ZNF148: variants seen among roughly 807,000 people sequenced by gnomAD.
ZNF148 encodes the protein Beta-Enolase Repressor Factor-1.
A neutral mutation model predicts 67.7 loss-of-function variants in ZNF148; 7 were observed. That is an observed-to-expected ratio of 0.10 (90% confidence interval 0.06 to 0.19). The LOEUF is 0.19. Ranked by LOEUF, ZNF148 falls within the 10% of genes least tolerant of loss-of-function variation. The pLI, the probability that ZNF148 is intolerant of heterozygous loss-of-function variation, is 1.00. For missense variants in ZNF148, 583 were observed against 947.1 expected, an observed-to-expected ratio of 0.62 and a Z score of 5.05; for synonymous variants, 333 against 330.7, an observed-to-expected ratio of 1.01 and a Z score of -0.08.
intron 7 of ZNF148, among the ~76,000 whole-genome samples, chr3:125,236,675 C>T (rs1936106500): frequency 6.6e-6 from 1 of 152,178 alleles, no homozygotes; most frequent in Non-Finnish European, 1.5e-5. Flanking sequence ...GTAATTACTG[C>T]AGAGCTACCA....
intron 1 of ZNF148, among the ~76,000 whole-genome samples, chr3:125,348,777 C>T (rs745411343): frequency 6.6e-6 from 1 of 152,100 alleles, no homozygotes; most frequent in African/African-American, 2.4e-5. Context: ...ACCACAAAAG[C>T]CCCCGAATGT....
chr3:125,239,151 G>A (rs1396292382), intron 7 of ZNF148, among the ~76,000 whole-genome samples: 3 of 152,054 alleles, frequency 2.0e-5, no homozygotes, highest in Non-Finnish European at 2.9e-5. Context: ...GTTTCTATTC[G>A]GTTACACAAC....
At chr3:125,353,716 T>C (rs548627211) in intron 1 of ZNF148, among the ~76,000 whole-genome samples, 1 of 151,876 alleles carries the variant, frequency 6.6e-6, no homozygotes, top group African/African-American at 2.4e-5. Context: ...TGGTCTCCCA[T>C]AGTGTAGGGA....
rs1288737164 is a variant in ZNF148 at position 125,233,160 on chromosome 3, T to C, written c.1566A>G (p.Ala522=). The C allele has an allele frequency of 5.0e-6, 8 of 1,613,764 alleles. No individual in the cohort carries two copies. The highest frequency in any genetic ancestry group is 1.6e-4 in the Middle Eastern group (1 of 6,080). The part of the protein sequence containing the change: ...STTASILESQ[A]LNVEIKSNHD... ...GATTACTCTTAATCTCCACATTCAG[T>C]GCCTGTGACTCTAATATGGATGCCG... The change falls in exon 9 of 9, where the codon GCA becomes GCG. Residue 522 remains alanine (A), a synonymous_variant. Coordinates refer to ENST00000360647, the MANE Select transcript of ZNF148 (RefSeq NM_021964.3). The surrounding 1 kb of genome is among the most constrained non-coding windows in gnomAD (Gnocchi z 5.1).
At chr3:125,319,014 C>T (rs530923887) in intron 3 of ZNF148, among the ~76,000 whole-genome samples, 1 of 152,112 alleles carries the variant, frequency 6.6e-6, no homozygotes, top group Non-Finnish European at 1.5e-5. Context: ...AACCCCCCCA[C>T]ACACCTAACA....
At chr3:125,287,887 G>C (rs1453009363) in intron 5 of ZNF148, among the ~76,000 whole-genome samples, 2 of 152,092 alleles carry the variant, frequency 1.3e-5, no homozygotes, top group African/African-American at 4.8e-5. Flanking sequence ...TATGGAAAAA[G>C]AAAAGTTCAC....
intron 7 of ZNF148, among the ~76,000 whole-genome samples, chr3:125,245,863 T>G (rs1249989674): frequency 6.6e-6 from 1 of 152,216 alleles, no homozygotes; most frequent in African/African-American, 2.4e-5. Context: ...TGATCATGTT[T>G]AAAGCATACT....
chr3:125,275,275 C>T (rs983840760), intron 7 of ZNF148, among the ~76,000 whole-genome samples: 4 of 152,288 alleles, frequency 2.6e-5, no homozygotes, highest in Admixed American at 2.0e-4. Flanking sequence ...CTCTCAACTC[C>T]TTATCTTCTT....
At position 125,340,847 on chromosome 3, in the gene ZNF148, G is replaced by A. The variant is rs192706626; in HGVS notation, c.-233-9609C>T. Reference sequence around the variant, plus strand: ...TAAAAATACAAAAAAAATTAGCCGGGCGTAGTGGCGGGCGCCTGTAGTCCC... The same window carrying A: ...TAAAAATACAAAAAAAATTAGCCGGACGTAGTGGCGGGCGCCTGTAGTCCC... On this transcript the variant is annotated intron_variant, in intron 1 of 8. Transcript: ENST00000360647. Among the ~76,000 whole-genome samples the A allele has an allele frequency of 8.0e-3, 1,207 of 151,618 alleles. 20 individuals are homozygous for A. The highest frequency in any genetic ancestry group is 0.027 in the African/African-American group (1,118 of 41,360).
chr3:125,288,352 G>A, intron 4 of ZNF148, 124 bp from the exon 5 acceptor site: 1 of 980,472 alleles, frequency 1.0e-6, no homozygotes. Flanking sequence ...TGATCTATGT[G>A]TGTGTGTCCT....
chr3:125,329,938 T>C (rs1413972305), intron 2 of ZNF148, among the ~76,000 whole-genome samples: 4 of 152,186 alleles, frequency 2.6e-5, no homozygotes, highest in East Asian at 3.9e-4. Context: ...TGTATATGTA[T>C]AGAAATTGTC....
chr3:125,291,507 T>A (rs75442160), intron 4 of ZNF148, among the ~76,000 whole-genome samples: 7,460 of 152,252 alleles, frequency 0.049, 297 homozygotes, highest in Non-Finnish European at 0.069. Flanking sequence ...TTCTCACTCA[T>A]CTTCCAACCC....
rs544348643 is a variant in ZNF148 at position 125,238,384 on chromosome 3, T to C, written c.668-4055A>G. ...GGCTCACACCTGTAATCTCAACACTTTGGGAGGCAGAGGCGGGTGGATCAC... is the reference window on the plus strand; with the variant it reads ...GGCTCACACCTGTAATCTCAACACTCTGGGAGGCAGAGGCGGGTGGATCAC... On this transcript the variant is annotated intron_variant, in intron 7 of 8. Transcript: ENST00000360647. Among the ~76,000 whole-genome samples the C allele has an allele frequency of 3.5e-4, 53 of 152,100 alleles. 1 individual carries two copies. The highest frequency in any genetic ancestry group is 1.2e-3 in the African/African-American group (50 of 41,498).
intron 1 of ZNF148, among the ~76,000 whole-genome samples, chr3:125,334,890 T>C (rs1941428277): frequency 6.6e-6 from 1 of 152,112 alleles, no homozygotes; most frequent in South Asian, 2.1e-4. Flanking sequence ...ACCTCCTTAT[T>C]GTCGCAGAAT....
At chr3:125,273,571 A>G (rs1937877215) in intron 7 of ZNF148, among the ~76,000 whole-genome samples, 1 of 146,548 alleles carries the variant, frequency 6.8e-6, no homozygotes, top group Non-Finnish European at 1.5e-5. Context: ...TCTGCTCACC[A>G]CAACCTCCGC....
intron 7 of ZNF148, among the ~76,000 whole-genome samples, chr3:125,240,462 T>C (rs1454209131): frequency 6.6e-6 from 1 of 152,166 alleles, no homozygotes; most frequent in East Asian, 1.9e-4. Context: ...CACTACGGCA[T>C]TTCCTTTAAC....
chr3:125,243,251 GAA>G (rs1333234563), intron 7 of ZNF148, among the ~76,000 whole-genome samples: 1 of 152,030 alleles, frequency 6.6e-6, no homozygotes, highest in African/African-American at 2.4e-5. Context: ...TTGATATTGT[GAA>G]AAGAGTGTTT....
intron 1 of ZNF148, among the ~76,000 whole-genome samples, chr3:125,341,438 G>A (rs1190816665): frequency 6.6e-6 from 1 of 151,596 alleles, no homozygotes; most frequent in African/African-American, 2.4e-5. Flanking sequence ...GGGCAACACA[G>A]TGAGACCCCA....
intron 1 of ZNF148, among the ~76,000 whole-genome samples, chr3:125,364,015 G>T (rs998544613): frequency 6.6e-6 from 1 of 152,102 alleles, no homozygotes; most frequent in Admixed American, 6.6e-5. Context: ...AAAGAGAAAG[G>T]TCACCAGATT....
Sources: allele counts gnomAD v4.1 joint callset (sites outside exome capture counted in the v4.1 genomes callset), GRCh38; gene constraint gnomAD v4.1.1; non-coding constraint Gnocchi (gnomAD v3.1); transcripts MANE v1.5; gene names NCBI Gene and HGNC (gene_info 2026-07-23, HGNC 2026-07-21).